Variants in NRXN1 observed in about 807,000 individuals in gnomAD.
The protein encoded by NRXN1 is neurexin 1, also known as neurexin-1.
Under a neutral mutation model 150.9 loss-of-function variants are expected in NRXN1, and 39 were observed. That is an observed-to-expected ratio of 0.26 (90% CI 0.20 to 0.34). The LOEUF (loss-of-function observed/expected upper bound fraction) is 0.34. Among genes scored for constraint, NRXN1 ranks in the 10% least tolerant of loss-of-function variants. NRXN1 has a pLI of 1.00. For synonymous variants in NRXN1, 924 were observed against 757.0 expected (o/e 1.22, Z -3.62); for missense variants, 1,815 against 1,949.9 (o/e 0.93, Z 1.30).
intron 5 of NRXN1, among the ~76,000 whole-genome samples, chr2:50,651,378 C>T (rs184503000): frequency 3.0e-3 from 459 of 151,826 alleles, no homozygotes; most frequent in Admixed American, 6.6e-3. Flanking sequence ...TTTGGGAGGC[C>T]GAGGCAAGAG....
intron 21 of NRXN1, among the ~76,000 whole-genome samples, chr2:49,954,505 A>G (rs1029332668): frequency 6.6e-6 from 1 of 152,172 alleles, no homozygotes; most frequent in African/African-American, 2.4e-5. Context: ...ACTACAGCAT[A>G]TAAATGAACA....
chr2:49,978,605 C>G (rs374663874), intron 21 of NRXN1, among the ~76,000 whole-genome samples: 1 of 150,708 alleles, frequency 6.6e-6, no homozygotes, highest in Non-Finnish European at 1.5e-5. Context: ...TTAAGCAAAG[C>G]TAATGCCTTT....
At chr2:50,043,202 A>G (rs962963327) in intron 21 of NRXN1, among the ~76,000 whole-genome samples, 1 of 152,224 alleles carries the variant, frequency 6.6e-6, no homozygotes, top group Non-Finnish European at 1.5e-5. Flanking sequence ...ACAAAGTTAC[A>G]TAAGATAATT....
intron 17 of NRXN1, among the ~76,000 whole-genome samples, chr2:50,458,032 C>T (rs2087756560): frequency 6.6e-6 from 1 of 152,060 alleles, no homozygotes; most frequent in Non-Finnish European, 1.5e-5. Context: ...TAATTGCATT[C>T]CCATGTTTAC....
chr2:50,553,007 CATT>C lies in NRXN1; in HGVS notation c.1336_1338del (p.Asn446del), dbSNP rs1667753338. Reference sequence around the variant, plus strand: ...AGTCGAGATAATTCCAGCCTCACATCATTATTTTTATATACAACCTGTGGGCAG... The same window carrying C: ...AGTCGAGATAATTCCAGCCTCACATCATTTTTATATACAACCTGTGGGCAG... On this transcript the variant is annotated inframe_deletion, in exon 9 of 23. Coordinates refer to ENST00000401669, the MANE Select transcript of NRXN1 (RefSeq NM_001330078.2). 3 of 1,609,060 alleles carry C rather than the reference CATT, an allele frequency of 1.9e-6. No homozygotes were observed. Among genetic ancestry groups the C allele is most frequent in the Middle Eastern group, 1.7e-4 (1 of 6,048 alleles).
At chr2:50,656,272 C>T in intron 5 of NRXN1, 1 of 674,718 alleles carries the variant, frequency 1.5e-6, no homozygotes, top group Non-Finnish European at 2.8e-6. Context: ...CAAAACCCAC[C>T]CATGAGAAAT....
chr2:50,096,434 G>A (rs752114046), intron 18 of NRXN1, among the ~76,000 whole-genome samples: 9 of 152,110 alleles, frequency 5.9e-5, no homozygotes, highest in East Asian at 1.9e-4. Flanking sequence ...TTGCCAATGC[G>A]TAATTACAAT....
chr2:49,926,629 G>C (rs983452904), intron 22 of NRXN1, among the ~76,000 whole-genome samples: 1 of 152,036 alleles, frequency 6.6e-6, no homozygotes, highest in African/African-American at 2.4e-5. Flanking sequence ...AAAAATAAAT[G>C]CAACTGTTGC....
chr2:49,942,991 T>C (rs1197418535), intron 22 of NRXN1, among the ~76,000 whole-genome samples: 1 of 152,180 alleles, frequency 6.6e-6, no homozygotes, highest in Non-Finnish European at 1.5e-5. Flanking sequence ...AGCCTAACAC[T>C]TGAAGTTATG....
At chr2:51,005,363 T>C (rs1700578764) in intron 2 of NRXN1, among the ~76,000 whole-genome samples, 1 of 152,044 alleles carries the variant, frequency 6.6e-6, no homozygotes, top group African/African-American at 2.4e-5. Context: ...TTATGTACAA[T>C]GATGAGCTCA....
intron 18 of NRXN1, among the ~76,000 whole-genome samples, chr2:50,177,932 G>A (rs2060455670): frequency 6.6e-6 from 1 of 151,926 alleles, no homozygotes; most frequent in African/African-American, 2.4e-5. Flanking sequence ...GAGAAAGAGA[G>A]TGACAACCTC....
intron 5 of NRXN1, among the ~76,000 whole-genome samples, chr2:50,859,065 C>T (rs1176014996): frequency 6.6e-6 from 1 of 152,022 alleles, no homozygotes; most frequent in African/African-American, 2.4e-5. Flanking sequence ...CCCTTACTAC[C>T]CTGTTCCGAG....
chr2:50,426,442 T>C (rs2084498862), intron 17 of NRXN1, among the ~76,000 whole-genome samples: 1 of 152,208 alleles, frequency 6.6e-6, no homozygotes, highest in Non-Finnish European at 1.5e-5. Context: ...TTGATGTATT[T>C]TATAAATGAA....
intron 17 of NRXN1, among the ~76,000 whole-genome samples, chr2:50,304,552 T>A (rs1006793716): frequency 6.6e-6 from 1 of 152,194 alleles, no homozygotes; most frequent in Admixed American, 6.5e-5. Context: ...TTCTTCACTT[T>A]TTATAGCTGG....
chr2:50,398,478 G>A (rs1312260172), intron 17 of NRXN1, among the ~76,000 whole-genome samples: 2 of 151,424 alleles, frequency 1.3e-5, no homozygotes, highest in African/African-American at 4.9e-5. Flanking sequence ...ATTATGTTAG[G>A]CAGAGAAAAA....
chr2:50,292,878 T>C (rs1181229053), intron 17 of NRXN1, among the ~76,000 whole-genome samples: 1 of 152,160 alleles, frequency 6.6e-6, no homozygotes, highest in African/African-American at 2.4e-5. Flanking sequence ...TAATCTTAAG[T>C]CATTCAGAAC....
intron 17 of NRXN1, among the ~76,000 whole-genome samples, chr2:50,370,989 C>G (rs1163457665): frequency 6.6e-6 from 1 of 151,934 alleles, no homozygotes; most frequent in Non-Finnish European, 1.5e-5. Flanking sequence ...CTGCCGGTAC[C>G]TATTTTTCCT....
rs889441091 is a variant in NRXN1 at position 50,668,973 on chromosome 2, G to T, written c.833-45358C>A. On this transcript the variant is annotated intron_variant, in intron 5 of 22. Coordinates refer to ENST00000401669, the MANE Select transcript of NRXN1 (RefSeq NM_001330078.2). ...CGAAATAAAAATCGCTGAGGATGGTGCTGGTCAGGGGATACAGGCCCTCCA... is the reference window on the plus strand; with the variant it reads ...CGAAATAAAAATCGCTGAGGATGGTTCTGGTCAGGGGATACAGGCCCTCCA... Among the ~76,000 whole-genome samples the T allele has an allele frequency of 1.8e-4, 27 of 151,988 alleles. 1 individual carries two copies. The highest frequency in any genetic ancestry group is 5.9e-5 in the Non-Finnish European group (4 of 67,954).
intron 17 of NRXN1, among the ~76,000 whole-genome samples, chr2:50,242,207 C>G (rs141509016): frequency 6.6e-6 from 1 of 151,770 alleles, no homozygotes; most frequent in African/African-American, 2.4e-5. Flanking sequence ...TAAGGGGAAC[C>G]TTTATTCTTT....
Sources: allele counts gnomAD v4.1 joint callset (sites outside exome capture counted in the v4.1 genomes callset), GRCh38; gene constraint gnomAD v4.1.1; transcripts MANE v1.5; gene names NCBI Gene and HGNC (gene_info 2026-07-23, HGNC 2026-07-21).